WWOX: variants seen among roughly 807,000 people sequenced by gnomAD.
WWOX encodes the protein WW domain containing oxidoreductase.
In WWOX, 69 loss-of-function variants were observed where a neutral mutation model predicts 46.2. That is an observed-to-expected ratio of 1.49 (90% confidence interval 1.23 to 1.82). The LOEUF is 1.82. Among genes scored for constraint, WWOX ranks in the 40% most tolerant of loss-of-function variants. The pLI is 0.00. For synonymous variants in WWOX, 359 were observed against 202.6 expected (o/e 1.77, Z -6.56); for missense variants, 919 against 542.6 (o/e 1.69, Z -6.89).
At chr16:78,746,021 C>A (rs946652905) in intron 8 of WWOX, among the ~76,000 whole-genome samples, 1 of 152,138 alleles carries the variant, frequency 6.6e-6, no homozygotes, top group Non-Finnish European at 1.5e-5. Flanking sequence ...TAATCTGTAT[C>A]CATCCACAAG....
At chr16:78,455,751 A>G (rs911039546) in intron 8 of WWOX, among the ~76,000 whole-genome samples, 3 of 151,426 alleles carry the variant, frequency 2.0e-5, no homozygotes, top group Non-Finnish European at 4.4e-5. Flanking sequence ...GGTTCAAGTA[A>G]TGAACATGAA....
chr16:78,312,394 T>TTTTTTTTTTTAA (rs77756746), intron 5 of WWOX, among the ~76,000 whole-genome samples: 1 of 151,350 alleles, frequency 6.6e-6, no homozygotes, highest in African/African-American at 2.4e-5. Context: ...TTTTTTTTTT[T>TTTTTTTTTTTAA]AAGACGGAGT....
intron 4 of WWOX, among the ~76,000 whole-genome samples, chr16:78,143,487 C>G (rs531738371): frequency 3.3e-5 from 5 of 152,264 alleles, no homozygotes; most frequent in African/African-American, 1.2e-4. Context: ...TATTGGAACA[C>G]GGGTGCTCAT....
intron 8 of WWOX, among the ~76,000 whole-genome samples, chr16:78,562,408 G>C (rs16948090): frequency 0.014 from 2,135 of 152,282 alleles, 44 homozygotes; most frequent in African/African-American, 0.048. Flanking sequence ...TCACACTCCA[G>C]GAATGTATCT....
intron 8 of WWOX, among the ~76,000 whole-genome samples, chr16:78,689,079 GTCT>G (rs2047927859): frequency 6.6e-6 from 1 of 152,114 alleles, no homozygotes; most frequent in African/African-American, 2.4e-5. Context: ...GCTTGCATAT[GTCT>G]TTATTAGTGG....
chr16:78,231,571 T>C (rs963079510), intron 5 of WWOX, among the ~76,000 whole-genome samples: 1 of 152,230 alleles, frequency 6.6e-6, no homozygotes, highest in African/African-American at 2.4e-5. Context: ...AATGCTTAAA[T>C]TCAGTTTCTT....
At chr16:78,474,329 T>G (rs939292391) in intron 8 of WWOX, among the ~76,000 whole-genome samples, 1 of 152,238 alleles carries the variant, frequency 6.6e-6, no homozygotes, top group Non-Finnish European at 1.5e-5. Flanking sequence ...TCAGCACCTT[T>G]CTGTAGGACG....
chr16:78,720,422 A>G (rs1372433923), intron 8 of WWOX, among the ~76,000 whole-genome samples: 1 of 150,682 alleles, frequency 6.6e-6, no homozygotes, highest in Non-Finnish European at 1.5e-5. Flanking sequence ...AAAAACTTAT[A>G]CATCATTTTA....
chr16:78,578,212 T>C (rs1288415056), intron 8 of WWOX, among the ~76,000 whole-genome samples: 2 of 141,488 alleles, frequency 1.4e-5, no homozygotes, highest in African/African-American at 5.1e-5. Flanking sequence ...CTCTTGCCTT[T>C]CAATTTTATG....
At chr16:78,646,074 T>G (rs940662441) in intron 8 of WWOX, among the ~76,000 whole-genome samples, 4 of 152,200 alleles carry the variant, frequency 2.6e-5, no homozygotes, top group African/African-American at 9.6e-5. Flanking sequence ...CTTGGGTAAC[T>G]GCGCATACTC....
At chr16:78,179,300 T>G (rs2035452429) in intron 5 of WWOX, among the ~76,000 whole-genome samples, 1 of 152,192 alleles carries the variant, frequency 6.6e-6, no homozygotes, top group Admixed American at 6.5e-5. Context: ...GTAAAGTCAT[T>G]TGTCCTTCTG....
chr16:78,585,606 C>G (rs564798597), intron 8 of WWOX, among the ~76,000 whole-genome samples: 119 of 152,266 alleles, frequency 7.8e-4, no homozygotes, highest in African/African-American at 2.8e-3. Context: ...AGCCAGCACT[C>G]CTTCTCAAGT....
chr16:78,137,238 A>G (rs2033826926), intron 4 of WWOX, among the ~76,000 whole-genome samples: 1 of 152,202 alleles, frequency 6.6e-6, no homozygotes, highest in Non-Finnish European at 1.5e-5. Context: ...ACTGCAACGT[A>G]AATGTGTGTC....
chr16:78,194,327 C>G (rs941525897), intron 5 of WWOX, among the ~76,000 whole-genome samples: 5 of 151,762 alleles, frequency 3.3e-5, no homozygotes, highest in African/African-American at 1.2e-4. Context: ...GTGTCTCACA[C>G]CTGTAATCTC....
At chr16:78,231,707 A>G (rs2037270431) in intron 5 of WWOX, among the ~76,000 whole-genome samples, 1 of 152,204 alleles carries the variant, frequency 6.6e-6, no homozygotes, top group South Asian at 2.1e-4. Flanking sequence ...CTCTCCTGGA[A>G]TTGCCATTGG....
At chr16:78,502,739 T>A (rs765166339) in intron 8 of WWOX, among the ~76,000 whole-genome samples, 5 of 152,180 alleles carry the variant, frequency 3.3e-5, no homozygotes, top group African/African-American at 4.8e-5. Context: ...TCTTAAAATG[T>A]TGTGCATCAG....
intron 5 of WWOX, among the ~76,000 whole-genome samples, chr16:78,174,741 A>G (rs994763489): frequency 1.3e-5 from 2 of 152,146 alleles, no homozygotes; most frequent in Admixed American, 1.3e-4. Context: ...TAATCCCAGC[A>G]CTTTGGGAGG....
chr16:78,438,673 T>A (rs924383915), intron 8 of WWOX, among the ~76,000 whole-genome samples: 5 of 152,144 alleles, frequency 3.3e-5, no homozygotes, highest in African/African-American at 1.2e-4. Flanking sequence ...AGCAGATGTT[T>A]TAGGGAACTG....
intron 8 of WWOX, among the ~76,000 whole-genome samples, chr16:78,433,679 A>G (rs145428281): frequency 1.7e-4 from 26 of 148,944 alleles, no homozygotes; most frequent in South Asian, 6.3e-4. Flanking sequence ...TTGCAGGCCT[A>G]TTATCCTCCA....
Sources: gnomAD v4.1 joint callset for allele counts (sites outside exome capture counted in the v4.1 genomes callset) on GRCh38, gnomAD v4.1.1 for gene constraint, MANE v1.5 for transcripts, NCBI Gene and HGNC (gene_info 2026-07-23, HGNC 2026-07-21) for gene names.